Variants in TMEM131L observed in about 807,000 individuals in gnomAD.
The protein encoded by TMEM131L is transmembrane 131 like.
In TMEM131L, 54 loss-of-function variants were observed where a neutral mutation model predicts 192.2. That is an observed-to-expected ratio of 0.28 (90% CI 0.23 to 0.35). The LOEUF (loss-of-function observed/expected upper bound fraction) is 0.35. TMEM131L is among the 10% of genes least tolerant of loss of function. The probability of loss-of-function intolerance (pLI) is 1.00; values close to 1 mark genes in which losing one functional copy is unlikely to be tolerated. For synonymous variants in TMEM131L, 701 were observed against 704.9 expected (o/e 0.99, Z 0.09); for missense variants, 1,888 against 1,972.9 (o/e 0.96, Z 0.82).
At chr4:153,554,046 T>C (rs1201413742) in intron 4 of TMEM131L, 1 of 152,248 alleles carries the variant, frequency 6.6e-6, no homozygotes, top group African/African-American at 2.4e-5. Flanking sequence ...TGTATTTCTC[T>C]GATAGACATT....
intron 29 of TMEM131L, among the ~76,000 whole-genome samples, chr4:153,623,409 A>G (rs941184449): frequency 5.9e-5 from 9 of 152,168 alleles, no homozygotes; most frequent in African/African-American, 1.9e-4. Context: ...CTTCTATGGC[A>G]CTAAGTGCAT....
chr4:153,486,103 A>G (rs1215735765), intron 3 of TMEM131L, among the ~76,000 whole-genome samples: 1 of 152,206 alleles, frequency 6.6e-6, no homozygotes, highest in Non-Finnish European at 1.5e-5. Context: ...GATGGAAGCA[A>G]CTGAATACTT....
rs143848037 is a variant in TMEM131L at position 153,471,056 on chromosome 4, C to T, written c.196-2789C>T. Among the ~76,000 whole-genome samples the T allele has an allele frequency of 3.3e-3, 491 of 149,914 alleles. 2 individuals are homozygous for T. Among genetic ancestry groups the T allele is most frequent in the African/African-American group, 0.011 (448 of 40,464 alleles). On this transcript the variant is annotated intron_variant, in intron 2 of 34. Coordinates refer to ENST00000409959, the MANE Select transcript of TMEM131L (RefSeq NM_001131007.2). Reference sequence around the variant, plus strand: ...AGGCTGGAGTGCAATGATGTAATTTCGGCTCACTGCAACCTCCGCCTCCTG... The same window carrying T: ...AGGCTGGAGTGCAATGATGTAATTTTGGCTCACTGCAACCTCCGCCTCCTG...
At chr4:153,595,620 C>G (rs1479975307) in intron 19 of TMEM131L, among the ~76,000 whole-genome samples, 1 of 149,954 alleles carries the variant, frequency 6.7e-6, no homozygotes, top group East Asian at 1.9e-4. Flanking sequence ...TGAGATGGAG[C>G]TAGAAAAAGC....
intron 19 of TMEM131L, among the ~76,000 whole-genome samples, chr4:153,594,094 A>C (rs553201116): frequency 2.6e-4 from 39 of 152,210 alleles, no homozygotes; most frequent in Non-Finnish European, 4.8e-4. Context: ...GATTATTTAG[A>C]ATCATGTGAG....
chr4:153,553,246 T>G (rs1371879566), intron 4 of TMEM131L, among the ~76,000 whole-genome samples: 1 of 152,236 alleles, frequency 6.6e-6, no homozygotes, highest in African/African-American at 2.4e-5. Context: ...TATCTGAGTC[T>G]GTGTGTATCG....
intron 7 of TMEM131L, among the ~76,000 whole-genome samples, chr4:153,567,047 T>C (rs185099501): frequency 2.0e-5 from 3 of 152,336 alleles, no homozygotes; most frequent in Admixed American, 2.0e-4. Flanking sequence ...TACCTGCTAC[T>C]TGCCTTCTAA....
In TMEM131L at chr4:153,602,708, C is replaced by T; in HGVS notation, c.2620C>T (p.Leu874Phe). ...GPSWEESFWR[L>F]TVFFVSLSLL... Reference sequence around the variant, plus strand: ...CAGCTGGGAGGAGTCATTTTGGAGGCTCACGGTCTTCTTTGTCAGGTAAAC... The same window carrying T: ...CAGCTGGGAGGAGTCATTTTGGAGGTTCACGGTCTTCTTTGTCAGGTAAAC... Residue 874 changes from leucine to phenylalanine, a missense_variant, in exon 23 of 35, where the codon CTC becomes TTC. Transcript: ENST00000409959. 6.2e-7 allele frequency: 1 copy of T among 1,613,994 alleles called. No homozygotes were observed. The highest frequency in any genetic ancestry group is 1.1e-5 in the South Asian group (1 of 91,062).
intron 7 of TMEM131L, among the ~76,000 whole-genome samples, chr4:153,573,286 A>G (rs1729715072): frequency 1.3e-5 from 2 of 152,240 alleles, no homozygotes; most frequent in South Asian, 4.1e-4. Flanking sequence ...CTGCTTAAGT[A>G]TAAGCTGTGC....
chr4:153,543,555 A>G (rs1281371064), intron 3 of TMEM131L, among the ~76,000 whole-genome samples: 1 of 152,208 alleles, frequency 6.6e-6, no homozygotes, highest in Non-Finnish European at 1.5e-5. Context: ...CGCCTGGAGT[A>G]ACCAGTCTGA....
At chr4:153,521,522 A>G (rs1336239314) in intron 3 of TMEM131L, among the ~76,000 whole-genome samples, 2 of 152,218 alleles carry the variant, frequency 1.3e-5, no homozygotes, top group African/African-American at 4.8e-5. Flanking sequence ...TTGGGGTACA[A>G]TAGACGTAAC....
chr4:153,573,728 C>CT (rs1729748245), intron 7 of TMEM131L, among the ~76,000 whole-genome samples: 1 of 152,058 alleles, frequency 6.6e-6, no homozygotes, highest in South Asian at 2.1e-4. Flanking sequence ...AATGACACTT[C>CT]TTTTTTTCTT....
chr4:153,603,702 T>C, intron 24 of TMEM131L, 100 bp from the exon 25 acceptor site: 1 of 1,312,664 alleles, frequency 7.6e-7, no homozygotes, highest in East Asian at 2.3e-5. Flanking sequence ...AAACTTACAC[T>C]CAGTACTGAT....
At chr4:153,626,474 G>A (rs1733851717) in intron 30 of TMEM131L, among the ~76,000 whole-genome samples, 1 of 152,170 alleles carries the variant, frequency 6.6e-6, no homozygotes, top group Admixed American at 6.5e-5. Flanking sequence ...TAAGTTTTGA[G>A]GCCAGCCGTG....
At chr4:153,497,918 T>C (rs764875764) in intron 3 of TMEM131L, among the ~76,000 whole-genome samples, 1 of 151,470 alleles carries the variant, frequency 6.6e-6, no homozygotes, top group Non-Finnish European at 1.5e-5. Context: ...GAGAGACTTG[T>C]ACGGTGAACA....
intron 3 of TMEM131L, among the ~76,000 whole-genome samples, chr4:153,494,709 A>G (rs950506924): frequency 4.6e-5 from 7 of 152,220 alleles, no homozygotes. Context: ...AACAATAGGA[A>G]GTTGTCTTCT....
intron 3 of TMEM131L, among the ~76,000 whole-genome samples, chr4:153,491,550 A>G (rs938435080): frequency 8.5e-5 from 13 of 152,304 alleles, no homozygotes; most frequent in African/African-American, 3.1e-4. Flanking sequence ...TTTAGGGACA[A>G]TTTAAACTAT....
chr4:153,558,342 C>G lies in TMEM131L; in HGVS notation c.634C>G (p.Gln212Glu). The G allele has an allele frequency of 6.2e-7, 1 of 1,606,932 alleles. No individual in the cohort carries two copies. The highest frequency in any genetic ancestry group is 8.5e-7 in the Non-Finnish European group (1 of 1,174,476). ...TGCTTATTTTCTGCTTCCAAAGGTC[C>G]AGAGCATTCAGCTGTCTCAAATGCA... ...PNAYFLLPKV[Q>E]SIQLSQMQAE... The change falls in exon 7 of 35, where the codon CAG becomes GAG. Residue 212 changes from glutamine (Q) to glutamate (E), a missense_variant. Transcript: ENST00000409959.
Position 153,593,794 on chromosome 4 carries a change from T to C in TMEM131L, c.1923-5T>C. On this transcript the variant is annotated splice_region_variant and splice_polypyrimidine_tract_variant and intron_variant, in intron 18 of 34. Coordinates refer to ENST00000409959, the MANE Select transcript of TMEM131L (RefSeq NM_001131007.2). ...TGTTTTAAACATTTGCTTTTTTCCT[T>C]ATAGGTTTGGCACTGATATGCAGAT... 1 of 1,607,168 alleles carries C rather than the reference T, an allele frequency of 6.2e-7. No individual in the cohort carries two copies. The highest frequency in any genetic ancestry group is 8.5e-7 in the Non-Finnish European group (1 of 1,173,658).
Sources: allele counts gnomAD v4.1 joint callset (sites outside exome capture counted in the v4.1 genomes callset), GRCh38; gene constraint gnomAD v4.1.1; transcripts MANE v1.5; gene names NCBI Gene and HGNC (gene_info 2026-07-23, HGNC 2026-07-21).